LACTB2: variants seen among roughly 807,000 people sequenced by gnomAD.
The protein encoded by LACTB2 is endoribonuclease LACTB2.
In LACTB2, 32 loss-of-function variants were observed where a neutral mutation model predicts 34.8. The ratio of observed to expected loss-of-function variants is 0.92; its 90% CI spans 0.69 to 1.24. The LOEUF is 1.24. LACTB2 is among the 50% of genes most tolerant of loss of function. The pLI, the probability that LACTB2 is intolerant of heterozygous loss-of-function variation, is 0.00. For synonymous variants in LACTB2, 120 were observed against 117.5 expected (o/e 1.02, Z -0.14); for missense variants, 320 against 345.0 (o/e 0.93, Z 0.57).
intron 1 of LACTB2, among the ~76,000 whole-genome samples, chr8:70,666,097 A>G (rs1818530560): frequency 6.6e-6 from 1 of 152,224 alleles, no homozygotes; most frequent in Non-Finnish European, 1.5e-5. Flanking sequence ...AATAGTGAAA[A>G]TTAAGAGAAA....
At position 70,640,958 on chromosome 8, in the gene LACTB2, G is replaced by C; in HGVS notation, c.685C>G (p.Arg229Gly). The change falls in exon 5 of 7, where the codon CGT (arginine) becomes GGT (glycine). Residue 229 changes from arginine (R) to glycine (G), a missense_variant. Physicochemically the swap from Arg to Gly is moderately radical, Grantham distance 125 (BLOSUM62 -2). Coordinates refer to ENST00000276590, the MANE Select transcript of LACTB2 (RefSeq NM_016027.3). The part of the protein sequence containing the change: ...IREQQILTLF[R>G]ENFEKSFTVM... ...GTAAATGATTTCTCAAAGTTCTCAC[G>C]AAATAATGTAAGAATTTGCTGCTCT... 1 of 1,607,756 alleles carries C rather than the reference G, an allele frequency of 6.2e-7. No homozygotes were observed. Among genetic ancestry groups the C allele is most frequent in the Non-Finnish European group, 8.5e-7 (1 of 1,177,844 alleles).
rs990900411 is a variant in LACTB2 at position 70,668,748 on chromosome 8, G to GTTTTTTTTT, written c.122+242_122+250dup. On this transcript the variant is annotated intron_variant, in intron 1 of 6. Transcript: ENST00000276590. ...CAGTAAATCGGGTTTCAAAACAGAAGTTTTTTTTTTTTTTTTTTTTTTTTT... is the reference window on the plus strand; with the variant it reads ...CAGTAAATCGGGTTTCAAAACAGAAGTTTTTTTTTTTTTTTTTTTTTTTTTTTTTTTTTT... Among the ~76,000 whole-genome samples the GTTTTTTTTT allele has an allele frequency of 4.6e-4, 48 of 103,688 alleles. 1 individual carries two copies. The highest frequency in any genetic ancestry group is 1.7e-3 in the African/African-American group (40 of 23,882). The allele number at this position is 103,688 out of a possible 152,430, so 68.0% of individuals were successfully genotyped here.
chr8:70,666,408 G>T (rs1166150543), intron 1 of LACTB2, among the ~76,000 whole-genome samples: 1 of 152,152 alleles, frequency 6.6e-6, no homozygotes, highest in East Asian at 1.9e-4. Flanking sequence ...AGATTAGCTG[G>T]GTAAAGAAGG....
In LACTB2 at chr8:70,644,062, C is replaced by A. The variant is rs1384450724; in HGVS notation, c.592+3G>T. ...AATATAAAAAAATTTAAAAATTACCCACCTGGATATATAATATCAGCTTTG... is the reference window on the plus strand; with the variant it reads ...AATATAAAAAAATTTAAAAATTACCAACCTGGATATATAATATCAGCTTTG... On this transcript the variant is annotated splice_donor_region_variant and intron_variant, in intron 4 of 6. Transcript: ENST00000276590. 7.8e-6 allele frequency: 12 copies of A among 1,534,716 alleles called. No homozygotes were observed. Among genetic ancestry groups the A allele is most frequent in the African/African-American group, 1.4e-5 (1 of 71,582 alleles).
rs144249335 is a variant in LACTB2 at position 70,669,093 on chromosome 8, G to C, written c.28C>G (p.Arg10Gly). 6.0e-5 allele frequency: 96 copies of C among 1,611,222 alleles called. No individual in the cohort carries two copies. Among genetic ancestry groups the C allele is most frequent in the Middle Eastern group, 1.7e-4 (1 of 5,896 alleles). Residue 10 changes from arginine (R) to glycine (G), a missense_variant, in exon 1 of 7, where the codon CGG becomes GGG. Coordinates refer to ENST00000276590, the MANE Select transcript of LACTB2 (RefSeq NM_016027.3). Reference protein sequence around the residue: MAAVLQRVERLSNRVVRVLG... With the variant: MAAVLQRVEGLSNRVVRVLG... ...ACACGCACGACTCGATTGGACAGCC[G>C]CTCGACGCGCTGCAGTACAGCAGCC...
chr8:70,653,045 GTAA>G (rs1818363677), intron 3 of LACTB2, among the ~76,000 whole-genome samples: 1 of 152,206 alleles, frequency 6.6e-6, no homozygotes, highest in East Asian at 1.9e-4. Context: ...TGAGCAAGTA[GTAA>G]TATAACATTT....
rs1554539194 is a variant in LACTB2 at position 70,638,669 on chromosome 8, T to TTA, written c.742-41_742-40insTA. ...AAGGTGAAAAAAATTCCTTTTTTTTTAAAAAAAAGAACACAGTTAATTTTT... is the reference window on the plus strand; with the variant it reads ...AAGGTGAAAAAAATTCCTTTTTTTTTTAAAAAAAAAGAACACAGTTAATTTTT... On this transcript the variant is annotated intron_variant, in intron 5 of 6. Transcript: ENST00000276590. The TTA allele has an allele frequency of 6.5e-5, 87 of 1,339,486 alleles. 1 individual carries two copies. The highest frequency in any genetic ancestry group is 1.1e-4 in the East Asian group (4 of 36,052). The allele number at this position is 1,339,486 out of a possible 1,614,324, so 83.0% of individuals were successfully genotyped here.
chr8:70,640,732 C>A (rs1818185654), intron 5 of LACTB2, 170 bp downstream of exon 5: 2 of 694,600 alleles, frequency 2.9e-6, no homozygotes, highest in Non-Finnish European at 4.1e-6. Context: ...TTCTCTAAGG[C>A]CAGTTTTTGT....
intron 5 of LACTB2, 84 bp from the exon 6 acceptor site, chr8:70,638,713 G>C: frequency 1.2e-5 from 12 of 1,042,214 alleles, no homozygotes; most frequent in Non-Finnish European, 1.4e-5. Flanking sequence ...TTGAAGAAAA[G>C]CAAAATGTAG....
At chr8:70,650,673 T>G (rs1404381241) in intron 3 of LACTB2, among the ~76,000 whole-genome samples, 2 of 138,092 alleles carry the variant, frequency 1.4e-5, no homozygotes, top group Non-Finnish European at 1.5e-5. Flanking sequence ...GAGGTTGCAG[T>G]TGCAGTGAGC....
Position 70,638,615 on chromosome 8 carries a change from A to AT in LACTB2, c.755dup (p.Asn252LysfsTer4). On this transcript the variant is annotated frameshift_variant, in exon 6 of 7. Coordinates refer to ENST00000276590, the MANE Select transcript of LACTB2 (RefSeq NM_016027.3). LOFTEE classifies it high-confidence loss of function. The stretch of plus-strand genomic sequence containing the variant: ...GATTATGTTTAGCCATTTCATGTAA[A>AT]TTCTCAGGAGTATTCTAAAAGAAAA... 6.8e-7 allele frequency: 1 copy of AT among 1,462,358 alleles called. No individual in the cohort carries two copies. Among genetic ancestry groups the AT allele is most frequent in the Non-Finnish European group, 9.1e-7 (1 of 1,100,232 alleles). The allele number at this position is 1,462,358 out of a possible 1,614,324, so 90.6% of individuals were successfully genotyped here. A position where few individuals can be genotyped will look rare whatever the true frequency, so the allele number is the denominator to read the frequency against.
At chr8:70,652,285 CTT>C (rs925404645) in intron 3 of LACTB2, among the ~76,000 whole-genome samples, 17 of 152,070 alleles carry the variant, frequency 1.1e-4, no homozygotes, top group African/African-American at 4.1e-4. Context: ...TGTCAAATGT[CTT>C]TTCACTAGCT....
At chr8:70,644,852 GT>G (rs1818242157) in intron 3 of LACTB2, among the ~76,000 whole-genome samples, 1 of 152,072 alleles carries the variant, frequency 6.6e-6, no homozygotes, top group African/African-American at 2.4e-5. Context: ...AAAGTAAAGT[GT>G]TTAAAAGAAA....
Position 70,638,625 on chromosome 8 carries a change from G to A in LACTB2, c.746C>T (p.Thr249Ile). Residue 249 changes from threonine to isoleucine, a missense_variant, in exon 6 of 7, where the codon ACT (threonine) becomes ATT (isoleucine). Thr to Ile is a moderately conservative substitution (Grantham distance 89). Coordinates refer to ENST00000276590, the MANE Select transcript of LACTB2 (RefSeq NM_016027.3). ...AGCCATTTCATGTAAATTCTCAGGA[G>A]TATTCTAAAAGAAAAATGAAGGTGA... ...MELVKIIYKN[T>I]PENLHEMAKH... The A allele has an allele frequency of 7.1e-7, 1 of 1,414,680 alleles. No individual in the cohort carries two copies. Among genetic ancestry groups the A allele is most frequent in the Non-Finnish European group, 9.3e-7 (1 of 1,071,734 alleles). The allele number at this position is 1,414,680 out of a possible 1,614,324, so 87.6% of individuals were successfully genotyped here.
At chr8:70,643,921 G>T in intron 4 of LACTB2, 144 bp downstream of exon 4, 1 of 673,162 alleles carries the variant, frequency 1.5e-6, no homozygotes, top group Non-Finnish European at 2.1e-6. Context: ...ACCCACTTTG[G>T]CATGCCTGTA....
chr8:70,666,847 T>A (rs1818537421), intron 1 of LACTB2, among the ~76,000 whole-genome samples: 1 of 152,198 alleles, frequency 6.6e-6, no homozygotes, highest in Admixed American at 6.5e-5. Context: ...AAGGAGGACC[T>A]GGCAGTTTTC....
At chr8:70,644,027 A>G (rs1405369202) in intron 4 of LACTB2, 38 bp downstream of exon 4, 1 of 1,445,302 alleles carries the variant, frequency 6.9e-7, no homozygotes, top group Admixed American at 2.4e-5. Context: ...TCTCTATTTA[A>G]AAACATAAAA....
At chr8:70,652,156 G>A (rs1373960518) in intron 3 of LACTB2, among the ~76,000 whole-genome samples, 1 of 152,118 alleles carries the variant, frequency 6.6e-6, no homozygotes, top group Non-Finnish European at 1.5e-5. Context: ...AAGTTGGCAA[G>A]TAGGCAAGAT....
At chr8:70,667,649 T>C (rs958805408) in intron 1 of LACTB2, among the ~76,000 whole-genome samples, 13 of 152,224 alleles carry the variant, frequency 8.5e-5, no homozygotes, top group African/African-American at 3.1e-4. Context: ...GTGATTATAG[T>C]GTTTAAAGAT....
Sources: allele counts gnomAD v4.1 joint callset (sites outside exome capture counted in the v4.1 genomes callset), GRCh38; gene constraint gnomAD v4.1.1; transcripts MANE v1.5; gene names NCBI Gene and HGNC (gene_info 2026-07-23, HGNC 2026-07-21).